The following SUMO2 variants were observed in gnomAD, a reference collection of about 807,000 sequenced individuals.
The protein encoded by SUMO2 is small ubiquitin like modifier 2.
In SUMO2, 1 loss-of-function variant was observed where a neutral mutation model predicts 16.0. The observed-to-expected ratio is 0.06, with a 90% CI of 0.02 to 0.30. The LOEUF (loss-of-function observed/expected upper bound fraction) is 0.30, where lower values mean the gene tolerates loss of function less well. Among genes scored for constraint, SUMO2 ranks in the 10% least tolerant of loss-of-function variants. SUMO2 has a pLI of 1.00. For synonymous variants in SUMO2, 36 were observed against 40.6 expected (o/e 0.89, Z 0.43); for missense variants, 16 against 117.5 (o/e 0.14, Z 3.99).
At chr17:75,168,945 T>C (rs578234111) in intron 3 of SUMO2, among the ~76,000 whole-genome samples, 5 of 150,656 alleles carry the variant, frequency 3.3e-5, no homozygotes, top group Non-Finnish European at 5.9e-5. Flanking sequence ...ATTAGCCAGG[T>C]GCGGTGGCTC....
chr17:75,177,136 G>A lies in SUMO2; in HGVS notation c.154-2313C>T, dbSNP rs182296155. Among the ~76,000 whole-genome samples, 431 of 150,032 alleles carry A rather than the reference G, an allele frequency of 2.9e-3. 4 individuals carry two copies. The highest frequency in any genetic ancestry group is 0.01 in the African/African-American group (412 of 40,768). The stretch of plus-strand genomic sequence containing the variant: ...CGGGAGGTGGAGGTTGCAATGAGCC[G>A]AGATCGTGCCATTGCAAGAGCGAGA... On this transcript the variant is annotated intron_variant, in intron 2 of 3. Coordinates refer to ENST00000420826, the MANE Select transcript of SUMO2 (RefSeq NM_006937.4).
intron 2 of SUMO2, among the ~76,000 whole-genome samples, chr17:75,179,504 G>A (rs975708331): frequency 1.4e-5 from 2 of 142,050 alleles, no homozygotes; most frequent in African/African-American, 5.3e-5. Context: ...CTCCATCCTG[G>A]ACAACAGAGC....
intron 2 of SUMO2, among the ~76,000 whole-genome samples, chr17:75,177,988 C>A (rs1195629830): frequency 3.1e-3 from 207 of 66,328 alleles, no homozygotes; most frequent in African/African-American, 0.011. Flanking sequence ...GACTCCGTCT[C>A]AAAAAAAAAA....
chr17:75,175,377 G>C lies in SUMO2; in HGVS notation c.154-554C>G, dbSNP rs556129891. 2.0e-5 allele frequency among the ~76,000 whole-genome samples: 3 copies of C among 151,978 alleles called. No individual in the cohort carries two copies. The East Asian group carries it at 5.8e-4, about 29-fold the overall frequency. ...GCTCTGTCACTCAGGCTGGAGGGCA[G>C]TGTCGCGATCTCGGCTCACTGCAAC... is the stretch of plus-strand genomic sequence containing the variant. On this transcript the variant is annotated intron_variant, in intron 2 of 3. Transcript: ENST00000420826.
rs2074695386 is a variant in SUMO2 at position 75,166,643 on chromosome 17, T to C, written c.*1696A>G. On this transcript the variant is annotated 3_prime_UTR_variant, in exon 4 of 4. Transcript: ENST00000420826. ...CTCTATAAAAAATACAAGAATTAGC[T>C]GTGGTGGCATGCACCTGCGGTTCTA... is the stretch of plus-strand genomic sequence containing the variant. The C allele has an allele frequency of 6.6e-6, 1 of 152,152 alleles. No homozygotes were observed. The highest frequency in any genetic ancestry group is 6.6e-5 in the Admixed American group (1 of 15,262). The allele number at this position is 152,152 out of a possible 1,614,324, so 9.4% of individuals were successfully genotyped here.
intron 2 of SUMO2, among the ~76,000 whole-genome samples, chr17:75,178,225 G>T (rs1337197019): frequency 2.6e-5 from 4 of 151,366 alleles, no homozygotes; most frequent in Non-Finnish European, 5.9e-5. Context: ...CATAAGAATA[G>T]TGTTCAAGGC....
chr17:75,169,768 G>C (rs983060780), intron 3 of SUMO2, among the ~76,000 whole-genome samples: 12 of 147,516 alleles, frequency 8.1e-5, no homozygotes, highest in African/African-American at 2.5e-5. Flanking sequence ...AGAATCGCTT[G>C]AACCCAGGAA....
rs112481206 is a variant in SUMO2 at position 75,172,465 on chromosome 17, G to T, written c.225+2287C>A. Among the ~76,000 whole-genome samples, 233 of 150,230 alleles carry T rather than the reference G, an allele frequency of 1.6e-3. 2 individuals are homozygous for T. Among genetic ancestry groups the T allele is most frequent in the African/African-American group, 5.6e-3 (229 of 40,840 alleles). On this transcript the variant is annotated intron_variant, in intron 3 of 3. Coordinates refer to ENST00000420826, the MANE Select transcript of SUMO2 (RefSeq NM_006937.4). Reference sequence around the variant, plus strand: ...CTCCTGAGTAGCTGGGACTACAGGCGTGCACCATCATGCCTGGCTAAATTT... The same window carrying T: ...CTCCTGAGTAGCTGGGACTACAGGCTTGCACCATCATGCCTGGCTAAATTT...
intron 2 of SUMO2, among the ~76,000 whole-genome samples, chr17:75,175,502 T>C (rs1286063882): frequency 1.3e-5 from 2 of 151,354 alleles, no homozygotes; most frequent in Non-Finnish European, 2.9e-5. Context: ...TATTTTTTAG[T>C]AGAAACAGGG....
At chr17:75,174,652 C>T (rs542573584) in intron 3 of SUMO2, 100 bp downstream of exon 3, 7 of 1,131,152 alleles carry the variant, frequency 6.2e-6, no homozygotes, top group Admixed American at 4.4e-5. Flanking sequence ...CTGAACTCTA[C>T]AAGAACTTAT....
At chr17:75,175,686 G>A (rs2074776999) in intron 2 of SUMO2, among the ~76,000 whole-genome samples, 1 of 151,884 alleles carries the variant, frequency 6.6e-6, no homozygotes, top group Admixed American at 6.6e-5. Context: ...AGGCTGGAGT[G>A]CAGTGGTGCG....
rs950396262 is a variant in SUMO2 at position 75,182,458 on chromosome 17, G to A, written c.21+356C>T. ...AACACCCGACGCGGGGTCGACAGAA[G>A]GTGGAGACCCCGCGCGCCCTAACGC... On this transcript the variant is annotated intron_variant, in intron 1 of 3. Transcript: ENST00000420826. The A allele has an allele frequency of 2.8e-5, 5 of 180,122 alleles. No homozygotes were observed. In the East Asian group the frequency reaches 4.2e-4, roughly 15 times the overall value. 11.2% of individuals were successfully genotyped at this position (180,122 alleles called of 1,614,324 possible).
intron 3 of SUMO2, among the ~76,000 whole-genome samples, chr17:75,171,255 A>G (rs187219308): frequency 6.6e-6 from 1 of 151,874 alleles, no homozygotes; most frequent in African/African-American, 2.4e-5. Flanking sequence ...CAGCCTCCCA[A>G]GTAGCTGGGA....
intron 2 of SUMO2, among the ~76,000 whole-genome samples, chr17:75,175,293 A>G (rs1398215494): frequency 4.0e-5 from 6 of 150,072 alleles, no homozygotes; most frequent in African/African-American, 7.4e-5. Context: ...TCTCATTTTC[A>G]GTGAACAGTA....
chr17:75,169,968 A>G (rs949341135), intron 3 of SUMO2, among the ~76,000 whole-genome samples: 29 of 151,876 alleles, frequency 1.9e-4, no homozygotes, highest in Non-Finnish European at 2.6e-4. Flanking sequence ...CAGCCTGGCC[A>G]AAATGGTGAA....
chr17:75,170,675 C>T (rs1483719201), intron 3 of SUMO2, among the ~76,000 whole-genome samples: 1 of 151,470 alleles, frequency 6.6e-6, no homozygotes, highest in Admixed American at 6.6e-5. Flanking sequence ...ATAGTGAAAC[C>T]CCGTCTCTAC....
intron 2 of SUMO2, among the ~76,000 whole-genome samples, chr17:75,177,759 G>A (rs542230795): frequency 3.3e-5 from 5 of 151,062 alleles, no homozygotes; most frequent in African/African-American, 4.9e-5. Context: ...CCGAGGTGGC[G>A]AGACGGGTGG....
chr17:75,182,896 C>A lies in SUMO2; in HGVS notation c.-62G>T, dbSNP rs2074841302. On this transcript the variant is annotated 5_prime_UTR_variant, in exon 1 of 4. Transcript: ENST00000420826. ...AAAGAGGTACCAGGTCCGCACCAAACGAGCACACAAGCAGCACCAGGAGCG... is the reference window on the plus strand; with the variant it reads ...AAAGAGGTACCAGGTCCGCACCAAAAGAGCACACAAGCAGCACCAGGAGCG... 1.5e-6 allele frequency: 2 copies of A among 1,299,150 alleles called. No individual in the cohort carries two copies. Among genetic ancestry groups the A allele is most frequent in the South Asian group, 4.9e-5 (2 of 41,010 alleles). 80.5% of individuals were successfully genotyped at this position (1,299,150 alleles called of 1,614,324 possible).
intron 3 of SUMO2, among the ~76,000 whole-genome samples, chr17:75,170,650 A>T (rs2074730108): frequency 6.6e-6 from 1 of 151,878 alleles, no homozygotes; most frequent in Non-Finnish European, 1.5e-5. Context: ...GTCATTCGAG[A>T]CCAGCCTGGC....
Sources: gnomAD v4.1 joint callset for allele counts (sites outside exome capture counted in the v4.1 genomes callset) on GRCh38, gnomAD v4.1.1 for gene constraint, MANE v1.5 for transcripts, NCBI Gene and HGNC (gene_info 2026-07-23, HGNC 2026-07-21) for gene names.